Variants in CAGE1 observed in about 807,000 individuals in gnomAD.
CAGE1 encodes the protein cancer antigen 1.
In CAGE1, 66 loss-of-function variants were observed where a neutral mutation model predicts 94.9. The ratio of observed to expected loss-of-function variants is 0.70; its 90% CI spans 0.57 to 0.85. CAGE1 has a LOEUF of 0.85. Ranked by LOEUF, CAGE1 falls within the 40% of genes least tolerant of loss-of-function variation. CAGE1 has a pLI of 0.00. For missense variants in CAGE1, 865 were observed against 950.4 expected (o/e 0.91, Z 1.18); for synonymous variants, 319 against 321.0 (o/e 0.99, Z 0.07).
chr6:7,348,955 A>G (rs1759667444), intron 11 of CAGE1, among the ~76,000 whole-genome samples: 2 of 152,246 alleles, frequency 1.3e-5, no homozygotes, highest in South Asian at 4.1e-4. Flanking sequence ...TTCCTGAGGA[A>G]GAAGAGAAAT....
rs1264134177 is a variant in CAGE1 at position 7,328,924 on chromosome 6, A to ATT, written c.2478+924_2478+925insAA. ...TGTGTGTGTGTGTGTGTGTGTATAT[A>ATT]TATATATATATTTTTTTTTTTTTTT... On this transcript the variant is annotated intron_variant, in intron 13 of 13. Transcript: ENST00000502583. Among the ~76,000 whole-genome samples, 10 of 74,134 alleles carry ATT rather than the reference A, an allele frequency of 1.3e-4. 1 individual carries two copies. The South Asian group carries it at 1.8e-3, about 13-fold the overall frequency. 48.6% of individuals were successfully genotyped at this position (74,134 alleles called of 152,430 possible). A position where few individuals can be genotyped will look rare whatever the true frequency, so the allele number is the denominator to read the frequency against.
intron 3 of CAGE1, among the ~76,000 whole-genome samples, chr6:7,381,123 C>T (rs1367232423): frequency 6.6e-6 from 1 of 152,156 alleles, no homozygotes; most frequent in East Asian, 1.9e-4. Context: ...GTTATGGGCT[C>T]AATTGTGTGC....
intron 11 of CAGE1, chr6:7,338,766 T>G: frequency 2.8e-6 from 2 of 723,410 alleles, no homozygotes; most frequent in Middle Eastern, 3.7e-4. Flanking sequence ...TTTTCTGTCT[T>G]TGTACAATAT....
At chr6:7,348,400 C>T (rs1036011566) in intron 11 of CAGE1, among the ~76,000 whole-genome samples, 11 of 152,190 alleles carry the variant, frequency 7.2e-5, no homozygotes, top group Admixed American at 5.9e-4. Flanking sequence ...GGGAACACCC[C>T]ATGGGACAAA....
At chr6:7,358,028 ATATATATAT>A (rs1561858047) in intron 9 of CAGE1, among the ~76,000 whole-genome samples, 8,164 of 66,888 alleles carry the variant, frequency 0.12, 537 homozygotes, top group Non-Finnish European at 0.17. Flanking sequence ...AAGTTTTGAG[ATATATATAT>A]ATATATATAT....
chr6:7,331,222 C>T lies in CAGE1; in HGVS notation c.2439-1334G>A, dbSNP rs1169409541. ...ACCAACACTATAGTTTTTGGGGTCACGGTAAGATACACAGAATTACATCTG... is the reference window on the plus strand; with the variant it reads ...ACCAACACTATAGTTTTTGGGGTCATGGTAAGATACACAGAATTACATCTG... On this transcript the variant is annotated intron_variant, in intron 12 of 13. Transcript: ENST00000502583. The T allele has an allele frequency of 1.2e-5, 5 of 405,006 alleles. No individual in the cohort carries two copies. In the South Asian group the frequency reaches 1.5e-4, roughly 12 times the overall value. The allele number at this position is 405,006 out of a possible 1,614,324, so 25.1% of individuals were successfully genotyped here.
At chr6:7,360,445 A>G (rs1392500544) in intron 9 of CAGE1, among the ~76,000 whole-genome samples, 2 of 152,184 alleles carry the variant, frequency 1.3e-5, no homozygotes, top group Non-Finnish European at 2.9e-5. Flanking sequence ...GCATTAACAC[A>G]CTTTCCTCAT....
chr6:7,385,302 G>C (rs1561869358), intron 3 of CAGE1, among the ~76,000 whole-genome samples: 1 of 145,290 alleles, frequency 6.9e-6, no homozygotes, highest in East Asian at 2.0e-4. Context: ...ACCGTGCCTG[G>C]CCCCCGCTTT....
chr6:7,379,118 C>A (rs1561867164), intron 3 of CAGE1, 98 bp from the exon 4 acceptor site: 1 of 715,406 alleles, frequency 1.4e-6, no homozygotes, highest in African/African-American at 1.8e-5. Context: ...GCTGTAGCCA[C>A]TTAAAAATTA....
intron 11 of CAGE1, among the ~76,000 whole-genome samples, chr6:7,354,107 T>TAAAATA (rs1184872348): frequency 6.6e-6 from 1 of 151,782 alleles, no homozygotes; most frequent in Non-Finnish European, 1.5e-5. Context: ...AAAAATAAAA[T>TAAAATA]AAAATAAAAA....
chr6:7,358,998 T>G (rs1478145434), intron 9 of CAGE1, among the ~76,000 whole-genome samples: 1 of 152,222 alleles, frequency 6.6e-6, no homozygotes, highest in East Asian at 1.9e-4. Flanking sequence ...GTCTTTTTAA[T>G]TTTAGACATT....
Position 7,386,611 on chromosome 6 carries a change from G to A in CAGE1, c.195+368C>T, listed in dbSNP as rs772882756. On this transcript the variant is annotated intron_variant, in intron 2 of 13. Coordinates refer to ENST00000502583, the MANE Select transcript of CAGE1 (RefSeq NM_001170692.2). ...CAGTTTTAACACTGTGTGTAAAAAT[G>A]TACCTTGCTCTCTCGCATAGGCTGG... is the stretch of plus-strand genomic sequence containing the variant. Among the ~76,000 whole-genome samples, 68 of 152,278 alleles carry A rather than the reference G, an allele frequency of 4.5e-4. No homozygotes were observed. In the Middle Eastern group the frequency reaches 0.014, roughly 30 times the overall value.
Position 7,373,660 on chromosome 6 carries a change from C to A in CAGE1, c.1159G>T (p.Glu387Ter), listed in dbSNP as rs771698858. Reference sequence around the variant, plus strand: ...TGTTTTTGCGTGTTAGCTAAAACCTCTTCCAAATTCTGCAATGTCTTTTTA... The same window carrying A: ...TGTTTTTGCGTGTTAGCTAAAACCTATTCCAAATTCTGCAATGTCTTTTTA... Reference protein sequence around the residue: ...DTKKTLQNLEEVLANTQKHLQ... With the variant: ...DTKKTLQNLE The change falls in exon 5 of 14, where the codon GAG (glutamate) becomes TAG (stop). Residue 387 changes from glutamate to a stop codon, truncating the protein, a stop_gained. Transcript: ENST00000502583. LOFTEE classifies it high-confidence loss of function. The A allele has an allele frequency of 1.9e-6, 3 of 1,613,230 alleles. No homozygotes were observed. The highest frequency in any genetic ancestry group is 2.2e-5 in the South Asian group (2 of 91,038).
chr6:7,337,325 G>GAAAAAAA (rs58144720), intron 11 of CAGE1, among the ~76,000 whole-genome samples: 1 of 81,592 alleles, frequency 1.2e-5, no homozygotes, highest in African/African-American at 4.2e-5. Flanking sequence ...AGACTGTCTC[G>GAAAAAAA]AAAAAAAAAA....
intron 13 of CAGE1, among the ~76,000 whole-genome samples, chr6:7,327,295 T>C (rs139532524): frequency 0.013 from 1,956 of 152,156 alleles, 16 homozygotes; most frequent in Non-Finnish European, 0.021. Flanking sequence ...TCAAGTGATC[T>C]GTCCACCTCA....
chr6:7,352,303 A>AAC (rs1561855930), intron 11 of CAGE1, among the ~76,000 whole-genome samples: 3 of 110,074 alleles, frequency 2.7e-5, no homozygotes, highest in South Asian at 2.6e-4. Flanking sequence ...AAAAAAAAAA[A>AAC]AACAAAAAAA....
intron 1 of CAGE1, among the ~76,000 whole-genome samples, chr6:7,387,742 G>A (rs571991029): frequency 3.2e-4 from 49 of 151,888 alleles, no homozygotes; most frequent in African/African-American, 1.0e-3. Flanking sequence ...TTTCAGGGCC[G>A]AGCGCGGTGG....
chr6:7,355,232 A>C (rs1759909718), intron 10 of CAGE1, 121 bp from the exon 11 acceptor site: 1 of 612,786 alleles, frequency 1.6e-6, no homozygotes. Flanking sequence ...TAATAGGCAA[A>C]ACACTTTCCT....
intron 5 of CAGE1, among the ~76,000 whole-genome samples, chr6:7,372,723 C>T (rs1231981747): frequency 1.3e-5 from 2 of 152,078 alleles, no homozygotes; most frequent in Non-Finnish European, 2.9e-5. Context: ...AGCTGGAGTG[C>T]ACTGGCACAA....
Sources: gnomAD v4.1 joint callset for allele counts (sites outside exome capture counted in the v4.1 genomes callset) on GRCh38, gnomAD v4.1.1 for gene constraint, MANE v1.5 for transcripts, NCBI Gene and HGNC (gene_info 2026-07-23, HGNC 2026-07-21) for gene names.